The following KATNIP variants were observed in gnomAD, a reference collection of about 807,000 sequenced individuals.
KATNIP encodes katanin-interacting protein.
KATNIP carries 126 observed loss-of-function variants against 174.0 expected under a neutral mutation model. That is an observed-to-expected ratio of 0.72 (90% CI 0.63 to 0.84). The LOEUF (loss-of-function observed/expected upper bound fraction) is 0.84. Ranked by LOEUF, KATNIP falls within the 40% of genes least tolerant of loss-of-function variation. The probability of loss-of-function intolerance (pLI) is 0.00; values close to 1 mark genes in which losing one functional copy is unlikely to be tolerated. For synonymous variants in KATNIP, 810 were observed against 835.7 expected, an observed-to-expected ratio of 0.97 and a Z score of 0.53; for missense variants, 1,958 against 2,109.7, an observed-to-expected ratio of 0.93 and a Z score of 1.41.
intron 13 of KATNIP, among the ~76,000 whole-genome samples, chr16:27,720,623 G>A (rs535043591): frequency 7.9e-5 from 12 of 151,364 alleles, no homozygotes; most frequent in African/African-American, 2.7e-4. Flanking sequence ...TGACATGGAC[G>A]TGAAAAGAGA....
At chr16:27,749,562 C>G (rs372055033) in intron 15 of KATNIP, 22 bp from the exon 16 acceptor site, 3 of 1,520,032 alleles carry the variant, frequency 2.0e-6, no homozygotes, top group East Asian at 2.3e-5. Context: ...GGGCTTCCCC[C>G]CTCTTGTGTC....
chr16:27,568,061 A>G (rs753805353), intron 1 of KATNIP, among the ~76,000 whole-genome samples: 5 of 152,242 alleles, frequency 3.3e-5, no homozygotes, highest in Non-Finnish European at 7.3e-5. Context: ...TCTTTATGCA[A>G]ATAGAACCAA....
chr16:27,778,078 C>T (rs943458398), intron 27 of KATNIP, 109 bp downstream of exon 27: 18 of 938,420 alleles, frequency 1.9e-5, no homozygotes, highest in Admixed American at 1.7e-4. Context: ...GCCCCTAGAC[C>T]GCTCTCCTCT....
chr16:27,559,464 T>G (rs1305253393), intron 1 of KATNIP, among the ~76,000 whole-genome samples: 1 of 151,734 alleles, frequency 6.6e-6, no homozygotes. Context: ...GGAGGATCAG[T>G]TGAGCCCAGG....
chr16:27,673,364 G>C (rs1489674942), intron 6 of KATNIP, among the ~76,000 whole-genome samples: 1 of 152,102 alleles, frequency 6.6e-6, no homozygotes, highest in Non-Finnish European at 1.5e-5. Context: ...TGTTGCCCTG[G>C]GAGGAGCAGT....
intron 2 of KATNIP, among the ~76,000 whole-genome samples, chr16:27,588,412 T>G (rs2141841782): frequency 6.6e-6 from 1 of 152,230 alleles, no homozygotes. Flanking sequence ...TTTAAGAGGT[T>G]TTCACATGTC....
At chr16:27,648,305 AAAG>A (rs1401402630) in intron 5 of KATNIP, among the ~76,000 whole-genome samples, 3 of 152,134 alleles carry the variant, frequency 2.0e-5, no homozygotes, top group Non-Finnish European at 4.4e-5. Context: ...AAAAAAAAAA[AAAG>A]AACAGAATTG....
Position 27,681,658 on chromosome 16 carries a change from A to G in KATNIP, c.940+128A>G, listed in dbSNP as rs1270643653. 18 of 1,011,222 alleles carry G rather than the reference A, an allele frequency of 1.8e-5. No homozygotes were observed. The Admixed American group carries it at 3.2e-4, about 18-fold the overall frequency. The allele number at this position is 1,011,222 out of a possible 1,614,324, so 62.6% of individuals were successfully genotyped here. A position where few individuals can be genotyped will look rare whatever the true frequency, so the allele number is the denominator to read the frequency against. On this transcript the variant is annotated intron_variant, in intron 8 of 27. Coordinates refer to ENST00000261588, the MANE Select transcript of KATNIP (RefSeq NM_015202.5). ...GGGCTAGCTGCCCTTTAGCAAATGT[A>G]TTAGTCAGGGGTCTGCAGAGGAACA...
rs1321224441 is a variant in KATNIP at position 27,550,161 on chromosome 16, G to A, written c.-10G>A. The A allele has an allele frequency of 1.9e-6, 3 of 1,612,492 alleles. No individual in the cohort carries two copies. The highest frequency in any genetic ancestry group is 2.5e-6 in the Non-Finnish European group (3 of 1,178,942). On this transcript the variant is annotated 5_prime_UTR_variant, in exon 1 of 28. Coordinates refer to ENST00000261588, the MANE Select transcript of KATNIP (RefSeq NM_015202.5). The stretch of plus-strand genomic sequence containing the variant: ...TCCGGTTCGAGCTCCCGGAACCGCC[G>A]CCTCTAGGGATGGACGGTGAGTGTC...
Position 27,703,283 on chromosome 16 carries a change from TC to T in KATNIP, c.1287-611del, listed in dbSNP as rs1255300984. On this transcript the variant is annotated intron_variant, in intron 11 of 27. Coordinates refer to ENST00000261588, the MANE Select transcript of KATNIP (RefSeq NM_015202.5). ...AATGCTTGGTTCCTCGGCATCGAGA[TC>T]CTTTGTGCTTCAGGGCCTTGGGGGT... 3.9e-5 allele frequency among the ~76,000 whole-genome samples: 6 copies of T among 152,120 alleles called. 1 individual carries two copies. The highest frequency in any genetic ancestry group is 1.4e-4 in the African/African-American group (6 of 41,456).
intron 18 of KATNIP, among the ~76,000 whole-genome samples, chr16:27,757,725 T>C (rs2081791467): frequency 6.6e-6 from 1 of 152,216 alleles, no homozygotes; most frequent in African/African-American, 2.4e-5. Flanking sequence ...CTCTGAACCT[T>C]TGGCTTTTTC....
At chr16:27,551,504 C>T (rs755989756) in intron 1 of KATNIP, among the ~76,000 whole-genome samples, 1 of 152,154 alleles carries the variant, frequency 6.6e-6, no homozygotes, top group Non-Finnish European at 1.5e-5. Flanking sequence ...CCTCAAAGAG[C>T]TTTGTTTATT....
intron 12 of KATNIP, among the ~76,000 whole-genome samples, chr16:27,705,146 A>G (rs1468802676): frequency 6.6e-6 from 1 of 151,966 alleles, no homozygotes; most frequent in Non-Finnish European, 1.5e-5. Flanking sequence ...CCTGGCCTCA[A>G]GTGATCCACC....
chr16:27,650,421 A>G (rs2077086989), intron 6 of KATNIP, among the ~76,000 whole-genome samples: 1 of 152,238 alleles, frequency 6.6e-6, no homozygotes, highest in African/African-American at 2.4e-5. Context: ...TAGAATGAGT[A>G]CATCATCTCC....
In KATNIP at chr16:27,749,844, G is replaced by C; in HGVS notation, c.2884G>C (p.Ala962Pro). 1 of 1,614,102 alleles carries C rather than the reference G, an allele frequency of 6.2e-7. No homozygotes were observed. The highest frequency in any genetic ancestry group is 8.5e-7 in the Non-Finnish European group (1 of 1,180,004). Reference sequence around the variant, plus strand: ...GGATGGCTACTCTGGAGAGACAGACGCTGGGGGTGACTTTAAAATCCCCGT... The same window carrying C: ...GGATGGCTACTCTGGAGAGACAGACCCTGGGGGTGACTTTAAAATCCCCGT... ...GQDGYSGETD[A>P]GGDFKIPVLP... Residue 962 changes from alanine (A) to proline (P), a missense_variant, in exon 16 of 28, where the codon GCT (alanine) becomes CCT (proline). Coordinates refer to ENST00000261588, the MANE Select transcript of KATNIP (RefSeq NM_015202.5).
intron 14 of KATNIP, among the ~76,000 whole-genome samples, chr16:27,734,604 C>T (rs1032405309): frequency 5.9e-5 from 9 of 151,934 alleles, no homozygotes; most frequent in African/African-American, 1.9e-4. Context: ...GGCTGAGGCA[C>T]GAGAATCGCT....
chr16:27,572,862 C>G (rs947023809), intron 1 of KATNIP, among the ~76,000 whole-genome samples: 1 of 152,196 alleles, frequency 6.6e-6, no homozygotes, highest in Admixed American at 6.5e-5. Flanking sequence ...ACACATTGGC[C>G]TTAGAGTCTG....
rs1476346709 is a variant in KATNIP, at chr16:27,650,986, T to C, written c.540+2251T>C. Among the ~76,000 whole-genome samples the C allele has an allele frequency of 3.3e-5, 5 of 152,312 alleles. No homozygotes were observed. In the East Asian group the frequency reaches 9.7e-4, roughly 29 times the overall value. ...TCTGTGCAAAACAGCCATCAATTTC[T>C]CTTAATTGGGAGGCTGGTTTTTAGC... On this transcript the variant is annotated intron_variant, in intron 6 of 27. Transcript: ENST00000261588.
intron 2 of KATNIP, among the ~76,000 whole-genome samples, chr16:27,610,360 G>A (rs2075855590): frequency 6.6e-6 from 1 of 152,122 alleles, no homozygotes; most frequent in Non-Finnish European, 1.5e-5. Context: ...GACAGAGTGG[G>A]GCTTTGAAGA....
Sources: gnomAD v4.1 joint callset for allele counts (sites outside exome capture counted in the v4.1 genomes callset) on GRCh38, gnomAD v4.1.1 for gene constraint, MANE v1.5 for transcripts, NCBI Gene and HGNC (gene_info 2026-07-23, HGNC 2026-07-21) for gene names.